Variants in FHIP2A observed in about 807,000 individuals in gnomAD.
The protein encoded by FHIP2A is FHF complex subunit HOOK interacting protein 2A.
A neutral mutation model predicts 93.5 loss-of-function variants in FHIP2A; 46 were observed. The ratio of observed to expected loss-of-function variants is 0.49; its 90% CI spans 0.39 to 0.63. The LOEUF is 0.63. FHIP2A is among the 20% of genes least tolerant of loss of function. The pLI, the probability that FHIP2A is intolerant of heterozygous loss-of-function variation, is 0.00. For synonymous variants in FHIP2A, 332 were observed against 326.5 expected, an observed-to-expected ratio of 1.02 and a Z score of -0.18; for missense variants, 769 against 909.7, an observed-to-expected ratio of 0.85 and a Z score of 1.99.
intron 13 of FHIP2A, among the ~76,000 whole-genome samples, chr10:114,849,609 T>C (rs764379686): frequency 1.3e-5 from 2 of 152,242 alleles, no homozygotes; most frequent in Non-Finnish European, 2.9e-5. Flanking sequence ...AAAACTTGTA[T>C]TGAGATAAAA....
At chr10:114,881,274 G>A (rs1592032904) in intron 16 of FHIP2A, among the ~76,000 whole-genome samples, 1 of 152,152 alleles carries the variant, frequency 6.6e-6, no homozygotes, top group Non-Finnish European at 1.5e-5. Context: ...TTGACTGTTA[G>A]GTCACAGCCT....
Position 114,846,253 on chromosome 10 carries a change from A to G in FHIP2A, c.1284A>G (p.Gln428=), listed in dbSNP as rs767770350. 6.2e-7 allele frequency: 1 copy of G among 1,614,198 alleles called. No homozygotes were observed. The change falls in exon 10 of 17, where the codon CAA becomes CAG. Residue 428 remains glutamine (Q), a synonymous_variant. Coordinates refer to ENST00000369248, the MANE Select transcript of FHIP2A (RefSeq NM_020940.4). ...VRQVTSDVLL[Q]EMVFFILGEQ... ...AAGTGACCTCTGATGTTTTGCTTCA[A>G]GAAATGGTGTTTTTTATCCTTGGAG... is the stretch of plus-strand genomic sequence containing the variant.
At chr10:114,899,757 G>T in exon 17 of FHIP2A, 1 of 444,968 alleles carries the variant, frequency 2.2e-6, no homozygotes, top group Non-Finnish European at 3.9e-6. Flanking sequence ...GGCTATTACT[G>T]GGAAAAAGAA....
chr10:114,822,208 G>T, intron 1 of FHIP2A, 85 bp downstream of exon 1: 1 of 883,204 alleles, frequency 1.1e-6, no homozygotes. Context: ...AAGCCGGGCG[G>T]CCTTGGCCCG....
chr10:114,826,856 C>T (rs2083579736), intron 1 of FHIP2A, among the ~76,000 whole-genome samples: 2 of 152,206 alleles, frequency 1.3e-5, no homozygotes, highest in African/African-American at 2.4e-5. Flanking sequence ...TAGCCAGATG[C>T]GGTAGCATGC....
intron 16 of FHIP2A, among the ~76,000 whole-genome samples, chr10:114,896,552 T>G (rs886486427): frequency 6.6e-6 from 1 of 152,232 alleles, no homozygotes; most frequent in African/African-American, 2.4e-5. Context: ...GATGCATATC[T>G]GATTGCCTCC....
At chr10:114,885,953 G>A (rs573736169) in intron 16 of FHIP2A, among the ~76,000 whole-genome samples, 172 of 152,292 alleles carry the variant, frequency 1.1e-3, no homozygotes, top group Non-Finnish European at 2.1e-3. Flanking sequence ...TTCCTTTAAC[G>A]TAAAAGGGTG....
chr10:114,871,165 T>G (rs2083858196), intron 16 of FHIP2A, among the ~76,000 whole-genome samples: 1 of 150,938 alleles, frequency 6.6e-6, no homozygotes, highest in Non-Finnish European at 1.5e-5. Flanking sequence ...ACACACACAT[T>G]TTAAACTGCG....
intron 16 of FHIP2A, among the ~76,000 whole-genome samples, chr10:114,892,709 G>A (rs563949757): frequency 1.1e-4 from 16 of 152,124 alleles, no homozygotes; most frequent in South Asian, 6.2e-4. Context: ...AACAAAATAA[G>A]GATGAAGGGT....
chr10:114,878,239 G>GA (rs1486490227), intron 16 of FHIP2A, among the ~76,000 whole-genome samples: 2 of 152,172 alleles, frequency 1.3e-5, no homozygotes. Flanking sequence ...TGGCTGCCTA[G>GA]AATCACATTT....
chr10:114,872,871 G>A (rs2083866418), intron 16 of FHIP2A, among the ~76,000 whole-genome samples: 1 of 152,198 alleles, frequency 6.6e-6, no homozygotes, highest in Admixed American at 6.5e-5. Flanking sequence ...ATCCCTGAGG[G>A]TCTATTTCCT....
At chr10:114,848,807 C>A in intron 13 of FHIP2A, 70 bp downstream of exon 13, 2 of 932,962 alleles carry the variant, frequency 2.1e-6, no homozygotes, top group Admixed American at 2.0e-5. Flanking sequence ...TGTCACACTG[C>A]CCACCACCAC....
chr10:114,823,702 T>A (rs1469295155), intron 1 of FHIP2A, among the ~76,000 whole-genome samples: 1 of 151,570 alleles, frequency 6.6e-6, no homozygotes, highest in Non-Finnish European at 1.5e-5. Flanking sequence ...TTTCACCATG[T>A]TAGCCAGGCT....
intron 16 of FHIP2A, among the ~76,000 whole-genome samples, chr10:114,888,582 G>A (rs2083954542): frequency 6.6e-6 from 1 of 152,132 alleles, no homozygotes; most frequent in African/African-American, 2.4e-5. Context: ...GATCATGAAG[G>A]TGGAACTTTT....
chr10:114,847,051 TA>T (rs2083705578), intron 11 of FHIP2A, 38 bp from the exon 12 acceptor site: 1 of 1,528,032 alleles, frequency 6.5e-7, no homozygotes, highest in African/African-American at 1.4e-5. Context: ...AATGTCATAA[TA>T]AAATAGTGCT....
chr10:114,837,094 G>T (rs895910595), intron 5 of FHIP2A, among the ~76,000 whole-genome samples: 1 of 152,026 alleles, frequency 6.6e-6, no homozygotes, highest in African/African-American at 2.4e-5. Flanking sequence ...TGTAGAGACA[G>T]TGTCTCCCTG....
In FHIP2A at chr10:114,846,171, T is replaced by G; in HGVS notation, c.1206-4T>G. 6.2e-7 allele frequency: 1 copy of G among 1,614,018 alleles called. No homozygotes were observed. ...CCCACTGACTACCTGTTCATTGTGC[T>G]CAGTTCTGAGATGGGTATTCTCACA... On this transcript the variant is annotated splice_region_variant and splice_polypyrimidine_tract_variant and intron_variant, in intron 9 of 16. Transcript: ENST00000369248.
At chr10:114,887,334 C>G (rs1361603362) in intron 16 of FHIP2A, among the ~76,000 whole-genome samples, 1 of 152,204 alleles carries the variant, frequency 6.6e-6, no homozygotes, top group Non-Finnish European at 1.5e-5. Context: ...TATATTTTTA[C>G]ATTATAATTT....
chr10:114,865,846 C>T (rs58549916), downstream of FHIP2A, among the ~76,000 whole-genome samples: 19,588 of 151,504 alleles, frequency 0.13, 1,409 homozygotes, highest in East Asian at 0.21. Context: ...AGAAACACTG[C>T]ATGTGAGTTT....
Sources: allele counts gnomAD v4.1 joint callset (sites outside exome capture counted in the v4.1 genomes callset), GRCh38; gene constraint gnomAD v4.1.1; transcripts MANE v1.5; gene names NCBI Gene and HGNC (gene_info 2026-07-23, HGNC 2026-07-21).